Variants in STPG2 observed in about 807,000 individuals in gnomAD.
STPG2 encodes the protein sperm tail PG-rich repeat containing 2, also known as sperm-tail PG-rich repeat-containing protein 2.
In STPG2, 56 loss-of-function variants were observed where a neutral mutation model predicts 54.2. The ratio of observed to expected loss-of-function variants is 1.03; its 90% CI spans 0.83 to 1.29. The LOEUF is 1.29. Among genes scored for constraint, STPG2 ranks in the 50% most tolerant of loss-of-function variants. The probability of loss-of-function intolerance (pLI) is 0.00; values close to 1 mark genes in which losing one functional copy is unlikely to be tolerated. For synonymous variants in STPG2, 200 were observed against 181.8 expected (o/e 1.10, Z -0.81); for missense variants, 596 against 544.9 (o/e 1.09, Z -0.93).
chr4:97,497,649 ATTG>A lies in STPG2; in HGVS notation c.462+215047_462+215049del, dbSNP rs1730639113. Reference sequence around the variant, plus strand: ...ATTACTTGGAAACTATGATTTAAAAATTGTTATGTTGAGTTAGAATTTTTAGAA... The same window carrying A: ...ATTACTTGGAAACTATGATTTAAAAATTATGTTGAGTTAGAATTTTTAGAA... On this transcript the variant is annotated intron_variant, in intron 4 of 4. Coordinates refer to the STPG2 transcript ENST00000522676. Among the ~76,000 whole-genome samples, 4 of 152,044 alleles carry A rather than the reference ATTG, an allele frequency of 2.6e-5. No homozygotes were observed. The South Asian group carries it at 8.3e-4, about 31-fold the overall frequency.
At chr4:97,702,052 C>G (rs1383104196) in intron 10 of STPG2, among the ~76,000 whole-genome samples, 1 of 152,156 alleles carries the variant, frequency 6.6e-6, no homozygotes, top group Non-Finnish European at 1.5e-5. Context: ...TCTTCTGGAT[C>G]CTCCCAGCTG....
At chr4:97,458,525 T>C (rs903077902) in intron 4 of STPG2, among the ~76,000 whole-genome samples, 1 of 152,192 alleles carries the variant, frequency 6.6e-6, no homozygotes, top group African/African-American at 2.4e-5. Context: ...ATATTCATTA[T>C]GTGAAGAAAA....
At chr4:97,640,209 A>T (rs1721719881) in intron 10 of STPG2, among the ~76,000 whole-genome samples, 1 of 152,064 alleles carries the variant, frequency 6.6e-6, no homozygotes, top group Admixed American at 6.6e-5. Flanking sequence ...CAAGAGAAGA[A>T]CTAGAGTTGA....
At chr4:97,944,442 CCACT>C (rs1733122131) in intron 7 of STPG2, among the ~76,000 whole-genome samples, 1 of 151,666 alleles carries the variant, frequency 6.6e-6, no homozygotes, top group Non-Finnish European at 1.5e-5. Flanking sequence ...GCAAAATGAT[CCACT>C]CACTCTCTTA....
At chr4:97,889,860 A>G (rs965852921) in intron 8 of STPG2, among the ~76,000 whole-genome samples, 2 of 152,184 alleles carry the variant, frequency 1.3e-5, no homozygotes, top group African/African-American at 4.8e-5. Flanking sequence ...AATGTGAGGT[A>G]CTACACATTA....
At chr4:97,447,185 T>A (rs1358562496) in intron 4 of STPG2, among the ~76,000 whole-genome samples, 3 of 152,208 alleles carry the variant, frequency 2.0e-5, no homozygotes, top group Non-Finnish European at 4.4e-5. Context: ...AGAATTTTGC[T>A]CCTGCCCTGG....
chr4:97,748,647 A>C (rs149822795), intron 9 of STPG2, among the ~76,000 whole-genome samples: 145 of 151,630 alleles, frequency 9.6e-4, no homozygotes, highest in Non-Finnish European at 1.7e-3. Flanking sequence ...CAAGTATTCA[A>C]CTCTGATATT....
intron 8 of STPG2, among the ~76,000 whole-genome samples, chr4:97,873,326 T>C (rs1254975088): frequency 6.6e-6 from 1 of 151,348 alleles, no homozygotes; most frequent in African/African-American, 2.4e-5. Flanking sequence ...TATTCCTAGA[T>C]CACAGAGAAA....
chr4:97,848,488 C>A (rs987345413), intron 8 of STPG2, among the ~76,000 whole-genome samples: 2 of 152,116 alleles, frequency 1.3e-5, no homozygotes, highest in African/African-American at 2.4e-5. Flanking sequence ...TAGGGGTATA[C>A]AAGCTCCATA....
chr4:97,461,598 G>T (rs1729665410), intron 4 of STPG2, among the ~76,000 whole-genome samples: 1 of 152,136 alleles, frequency 6.6e-6, no homozygotes, highest in Non-Finnish European at 1.5e-5. Flanking sequence ...AGCAAACTGC[G>T]AGAAAAAGAA....
At chr4:97,612,206 C>T (rs1047117597) in intron 10 of STPG2, among the ~76,000 whole-genome samples, 5 of 150,284 alleles carry the variant, frequency 3.3e-5, no homozygotes, top group Admixed American at 6.6e-5. Flanking sequence ...ATACCACACA[C>T]TTAAACAAGA....
intron 10 of STPG2, among the ~76,000 whole-genome samples, chr4:97,599,823 C>CAAAAA (rs34252589): frequency 2.7e-5 from 3 of 112,774 alleles, no homozygotes; most frequent in Non-Finnish European, 1.8e-5. Context: ...GATTCTGTCT[C>CAAAAA]AAAAAAAAAA....
chr4:97,458,605 A>G (rs996940558), intron 4 of STPG2, among the ~76,000 whole-genome samples: 1 of 152,200 alleles, frequency 6.6e-6, no homozygotes, highest in African/African-American at 2.4e-5. Flanking sequence ...TTGATTGAAT[A>G]GTAACTAAAT....
chr4:98,000,834 T>G (rs1735390466), intron 5 of STPG2, among the ~76,000 whole-genome samples: 2 of 152,302 alleles, frequency 1.3e-5, no homozygotes, highest in South Asian at 4.1e-4. Context: ...GGGCATGTTT[T>G]GCAGGATAAA....
At chr4:97,768,100 G>C (rs965416722) in intron 9 of STPG2, among the ~76,000 whole-genome samples, 2 of 151,436 alleles carry the variant, frequency 1.3e-5, no homozygotes, top group Non-Finnish European at 2.9e-5. Context: ...CCAGGAGGCG[G>C]ATCTTGCAGT....
chr4:97,693,437 T>C (rs1723444700), intron 10 of STPG2, among the ~76,000 whole-genome samples: 1 of 152,030 alleles, frequency 6.6e-6, no homozygotes, highest in Non-Finnish European at 1.5e-5. Flanking sequence ...AAAAAAGACA[T>C]ACGGAAATTG....
intron 8 of STPG2, among the ~76,000 whole-genome samples, chr4:97,942,575 C>T (rs1360417041): frequency 2.0e-5 from 3 of 151,638 alleles, no homozygotes; most frequent in African/African-American, 7.3e-5. Context: ...CCAATAATGC[C>T]TCAGAAAAAA....
chr4:97,866,025 G>T (rs1197326757), intron 8 of STPG2, among the ~76,000 whole-genome samples: 1 of 151,872 alleles, frequency 6.6e-6, no homozygotes, highest in Non-Finnish European at 1.5e-5. Context: ...TCCCTTATTT[G>T]TGGGAGCTAA....
At chr4:97,911,164 C>T (rs1166739794) in intron 8 of STPG2, among the ~76,000 whole-genome samples, 1 of 152,226 alleles carries the variant, frequency 6.6e-6, no homozygotes. Flanking sequence ...AAGATCCCTT[C>T]AAGCCCAGGC....
Sources: gnomAD v4.1 joint callset for allele counts (sites outside exome capture counted in the v4.1 genomes callset) on GRCh38, gnomAD v4.1.1 for gene constraint, MANE v1.5 for transcripts, NCBI Gene and HGNC (gene_info 2026-07-23, HGNC 2026-07-21) for gene names.